ESRRG: variants seen among roughly 807,000 people sequenced by gnomAD.
The protein encoded by ESRRG is estrogen related receptor gamma, also known as estrogen-related receptor gamma.
ESRRG carries 13 observed loss-of-function variants against 44.0 expected under a neutral mutation model. The ratio of observed to expected loss-of-function variants is 0.30; its 90% CI spans 0.19 to 0.47. The LOEUF is 0.47. ESRRG is among the 20% of genes least tolerant of loss of function. The pLI is 1.00. For missense variants in ESRRG, 395 were observed against 580.6 expected (o/e 0.68, Z 3.29); for synonymous variants, 215 against 214.6 (o/e 1.00, Z -0.02).
intron 1 of ESRRG, among the ~76,000 whole-genome samples, chr1:216,942,815 C>T (rs2065466828): frequency 6.6e-6 from 1 of 152,072 alleles, no homozygotes; most frequent in East Asian, 1.9e-4. Context: ...GGACATTAGT[C>T]CTTTGTAGTA....
intron 1 of ESRRG, among the ~76,000 whole-genome samples, chr1:217,055,119 C>T (rs191192070): frequency 2.6e-5 from 4 of 152,272 alleles, no homozygotes; most frequent in South Asian, 4.1e-4. Flanking sequence ...TTCAAAAACA[C>T]AAATCTAATT....
chr1:216,775,956 A>T (rs1017540877), intron 2 of ESRRG, among the ~76,000 whole-genome samples: 27 of 151,914 alleles, frequency 1.8e-4, no homozygotes, highest in African/African-American at 6.5e-4. Context: ...CCTCTCACCA[A>T]CACCATTGCA....
rs934984030 is a variant in ESRRG, at chr1:216,957,950, C to T, written c.-105-18277G>A. 6.6e-5 allele frequency among the ~76,000 whole-genome samples: 10 copies of T among 152,118 alleles called. No homozygotes were observed. In the East Asian group the frequency reaches 1.3e-3, roughly 21 times the overall value. ...ATGATCCTGTCCACTCAATCGCCTC[C>T]CAGAGGAAACCAATGTTCTGATTCC... is the stretch of plus-strand genomic sequence containing the variant. On this transcript the variant is annotated intron_variant, in intron 1 of 7. Coordinates refer to the ESRRG transcript ENST00000359162.
At chr1:216,769,558 T>C (rs1174765075) in intron 2 of ESRRG, among the ~76,000 whole-genome samples, 1 of 152,094 alleles carries the variant, frequency 6.6e-6, no homozygotes, top group Non-Finnish European at 1.5e-5. Context: ...GAGAACAATC[T>C]AGTGCATACA....
chr1:216,749,550 C>T (rs11572648), intron 2 of ESRRG, among the ~76,000 whole-genome samples: 63 of 152,150 alleles, frequency 4.1e-4, no homozygotes, highest in Admixed American at 7.9e-4. Flanking sequence ...TCTCTTTTGT[C>T]GTCAGCTGTT....
intron 1 of ESRRG, among the ~76,000 whole-genome samples, chr1:216,976,286 ATG>A (rs61142800): frequency 0.31 from 45,984 of 146,568 alleles, 7,646 homozygotes; most frequent in Non-Finnish European, 0.4. Flanking sequence ...ATGCTCCTAA[ATG>A]TGTGTGTGTG....
chr1:216,724,362 A>ATTTTT (rs35611593), upstream of ESRRG, among the ~76,000 whole-genome samples: 1 of 143,084 alleles, frequency 7.0e-6, no homozygotes, highest in Non-Finnish European at 1.5e-5. Context: ...TAAAGACAGC[A>ATTTTT]TTTTTTTTTT....
At chr1:217,092,229 G>A (rs376286416), upstream of ESRRG, among the ~76,000 whole-genome samples, 54 of 152,132 alleles carry the variant, frequency 3.5e-4, 2 homozygotes, top group South Asian at 0.01. Context: ...TTTATTTTCC[G>A]GCTTCATCCA....
At chr1:216,982,927 A>G (rs918273471) in intron 1 of ESRRG, among the ~76,000 whole-genome samples, 9 of 152,168 alleles carry the variant, frequency 5.9e-5, no homozygotes, top group African/African-American at 2.2e-4. Flanking sequence ...AACATGAGTC[A>G]TCAGATAATT....
rs370945089 is a variant in ESRRG at position 216,925,439 on chromosome 1, AAAC to A, written c.-14+14140_-14+14142del. The stretch of plus-strand genomic sequence containing the variant: ...GGGACAGAGCGAGACTCCGTCTCAA[AAAC>A]AACAACAACAATAACAATGACAAAC... On this transcript the variant is annotated intron_variant, in intron 2 of 7. Transcript: ENST00000359162. Among the ~76,000 whole-genome samples, 213 of 151,874 alleles carry A rather than the reference AAAC, an allele frequency of 1.4e-3. 6 individuals carry two copies. The East Asian group carries it at 0.034, about 24-fold the overall frequency.
In ESRRG at chr1:216,913,239, A is replaced by G. The variant is rs577678558; in HGVS notation, c.-14+26343T>C. 2.6e-5 allele frequency among the ~76,000 whole-genome samples: 4 copies of G among 152,230 alleles called. No individual in the cohort carries two copies. In the East Asian group the frequency reaches 7.7e-4, roughly 29 times the overall value. On this transcript the variant is annotated intron_variant, in intron 2 of 7. Transcript: ENST00000359162. ...CTTGTCATTACTCCCTAACTAATAC[A>G]TTATAGCAACTACTTACATAGTTTT...
intron 3 of ESRRG, among the ~76,000 whole-genome samples, chr1:216,616,094 C>A (rs529905727): frequency 1.3e-5 from 2 of 152,162 alleles, no homozygotes; most frequent in Non-Finnish European, 2.9e-5. Context: ...TATAAGAAGG[C>A]TCCAGGTCCT....
chr1:216,946,619 A>T (rs890596540), intron 1 of ESRRG, among the ~76,000 whole-genome samples: 13 of 152,202 alleles, frequency 8.5e-5, no homozygotes, highest in Non-Finnish European at 1.5e-4. Flanking sequence ...AATGTCGATT[A>T]ATTAGCCAAT....
chr1:216,563,934 C>T lies in ESRRG; in HGVS notation c.862+285G>A, dbSNP rs374629980. Among the ~76,000 whole-genome samples, 3 of 152,144 alleles carry T rather than the reference C, an allele frequency of 2.0e-5. No homozygotes were observed. In the East Asian group the frequency reaches 5.8e-4, roughly 29 times the overall value. ...GCTAGGAAAAAGGTAAGAATTTTGA[C>T]AAAGGATAAAGAAATGTTTTAAATT... is the stretch of plus-strand genomic sequence containing the variant. On this transcript the variant is annotated intron_variant, in intron 5 of 6. Transcript: ENST00000408911.
chr1:216,931,849 AAC>A (rs2063393528), intron 2 of ESRRG, among the ~76,000 whole-genome samples: 1 of 151,890 alleles, frequency 6.6e-6, no homozygotes, highest in South Asian at 2.1e-4. Context: ...AAAAAAAAAA[AAC>A]ACAAAATAAA....
intron 2 of ESRRG, among the ~76,000 whole-genome samples, chr1:216,882,240 C>G (rs1407034061): frequency 1.3e-5 from 2 of 152,106 alleles, no homozygotes; most frequent in Non-Finnish European, 2.9e-5. Flanking sequence ...TTGATTTATT[C>G]ACTTCCTTAG....
chr1:216,578,553 A>C lies in ESRRG; in HGVS notation c.590-10455T>G, dbSNP rs569154324. ...CAAGAAGTAATGAAGGAACACGAAA[A>C]AGCAATTAGAAGGATACTCTAAAAT... On this transcript the variant is annotated intron_variant, in intron 3 of 6. Coordinates refer to ENST00000408911, the MANE Select transcript of ESRRG (RefSeq NM_001438.4). Among the ~76,000 whole-genome samples, 14 of 152,044 alleles carry C rather than the reference A, an allele frequency of 9.2e-5. 1 individual carries two copies. The highest frequency in any genetic ancestry group is 2.1e-4 in the Non-Finnish European group (14 of 67,972).
chr1:216,558,837 T>C (rs1328206021), intron 5 of ESRRG, among the ~76,000 whole-genome samples: 3 of 152,040 alleles, frequency 2.0e-5, no homozygotes, highest in Non-Finnish European at 4.4e-5. Context: ...AAATATTTCA[T>C]AATTGTATTC....
At chr1:216,963,313 G>C (rs375554023) in intron 1 of ESRRG, among the ~76,000 whole-genome samples, 1 of 152,096 alleles carries the variant, frequency 6.6e-6, no homozygotes, top group Non-Finnish European at 1.5e-5. Context: ...GGTTTCTGAG[G>C]TTATAAACCA....
Sources: gnomAD v4.1 joint callset for allele counts (sites outside exome capture counted in the v4.1 genomes callset) on GRCh38, gnomAD v4.1.1 for gene constraint, MANE v1.5 for transcripts, NCBI Gene and HGNC (gene_info 2026-07-23, HGNC 2026-07-21) for gene names.